STK32A: variants seen among roughly 807,000 people sequenced by gnomAD.
STK32A encodes the protein serine/threonine kinase 32A.
STK32A carries 41 observed loss-of-function variants against 53.2 expected under a neutral mutation model. The ratio of observed to expected loss-of-function variants is 0.77; its 90% CI spans 0.60 to 1.00. The LOEUF is 1.00. STK32A is among the 50% of genes least tolerant of loss of function. The pLI is 0.00. For synonymous variants in STK32A, 166 were observed against 162.8 expected, an observed-to-expected ratio of 1.02 and a Z score of -0.15; for missense variants, 458 against 485.8, an observed-to-expected ratio of 0.94 and a Z score of 0.54.
At chr5:147,375,025 A>T in intron 10 of STK32A, 65 bp from the exon 11 acceptor site, 1 of 1,455,492 alleles carries the variant, frequency 6.9e-7, no homozygotes, top group Non-Finnish European at 9.2e-7. Context: ...TTTCCGTATT[A>T]GGTCTGCTGT....
intron 4 of STK32A, among the ~76,000 whole-genome samples, chr5:147,313,704 GAT>G (rs945320263): frequency 6.6e-6 from 1 of 152,168 alleles, no homozygotes; most frequent in African/African-American, 2.4e-5. Flanking sequence ...CAATAATCAA[GAT>G]AGGGTGGTCC....
chr5:147,327,029 A>G (rs1157364919), intron 5 of STK32A, among the ~76,000 whole-genome samples: 1 of 152,144 alleles, frequency 6.6e-6, no homozygotes. Context: ...TCAAATAGAC[A>G]TTTTAATTCT....
intron 11 of STK32A, among the ~76,000 whole-genome samples, chr5:147,379,852 C>T (rs142975172): frequency 9.2e-5 from 14 of 152,230 alleles, no homozygotes; most frequent in East Asian, 1.9e-4. Flanking sequence ...AGATTTTAAG[C>T]GATCATTTCC....
intron 4 of STK32A, among the ~76,000 whole-genome samples, chr5:147,288,816 A>G (rs77820900): frequency 0.14 from 21,489 of 152,178 alleles, 2,048 homozygotes; most frequent in South Asian, 0.37. Flanking sequence ...GGGTGGGGAT[A>G]GAGATGCAAA....
chr5:147,241,507 A>AAAC (rs752550272), intron 2 of STK32A, among the ~76,000 whole-genome samples: 2 of 129,820 alleles, frequency 1.5e-5, no homozygotes, highest in East Asian at 2.6e-4. Context: ...AACAAACAAA[A>AAAC]AAACCCAAAA....
rs888859705 is a variant in STK32A at position 147,236,139 on chromosome 5, G to A, written c.-97+940G>A. 2.6e-5 allele frequency among the ~76,000 whole-genome samples: 4 copies of A among 152,034 alleles called. 1 individual carries two copies. The highest frequency in any genetic ancestry group is 2.6e-4 in the Admixed American group (4 of 15,268). On this transcript the variant is annotated intron_variant, in intron 1 of 12. Transcript: ENST00000397936. ...TAGAAGACCACACCTCTTTATCTAG[G>A]GAGGCTTGGTGGTTAGAGAAGCTTA...
chr5:147,286,269 T>G (rs537529572), intron 4 of STK32A, among the ~76,000 whole-genome samples: 1 of 149,470 alleles, frequency 6.7e-6, no homozygotes, highest in African/African-American at 2.5e-5. Context: ...TTTGGAGACT[T>G]AGGGGGAAGA....
intron 8 of STK32A, among the ~76,000 whole-genome samples, chr5:147,369,259 G>A (rs1156869133): frequency 6.6e-6 from 1 of 151,990 alleles, no homozygotes; most frequent in East Asian, 1.9e-4. Flanking sequence ...TCCCTTTCAA[G>A]GGCCACCTCC....
chr5:147,400,429 T>C, the STK32A span, among the ~76,000 whole-genome samples: 1 of 152,216 alleles, frequency 6.6e-6, no homozygotes, highest in Non-Finnish European at 1.5e-5. Context: ...ATTCGTACAC[T>C]CAGATGAAGG....
intron 2 of STK32A, among the ~76,000 whole-genome samples, chr5:147,245,045 C>A (rs1322121468): frequency 6.6e-6 from 1 of 152,136 alleles, no homozygotes; most frequent in African/African-American, 2.4e-5. Flanking sequence ...AACAGAACGG[C>A]AGATTTTATG....
At chr5:147,272,277 A>T (rs1755074014) in intron 2 of STK32A, among the ~76,000 whole-genome samples, 1 of 152,122 alleles carries the variant, frequency 6.6e-6, no homozygotes, top group African/African-American at 2.4e-5. Flanking sequence ...GGGTTTCACC[A>T]TGTTGGCCAG....
At chr5:147,278,227 A>G (rs1751861484) in intron 3 of STK32A, 48 bp downstream of exon 3, 5 of 1,444,196 alleles carry the variant, frequency 3.5e-6, no homozygotes, top group Non-Finnish European at 4.8e-6. Context: ...TATGTAGCCC[A>G]GGGAACAGAG....
At chr5:147,322,579 G>A (rs1458627595) in intron 4 of STK32A, among the ~76,000 whole-genome samples, 3 of 152,078 alleles carry the variant, frequency 2.0e-5, no homozygotes, top group African/African-American at 7.2e-5. Flanking sequence ...GTGCATCCCT[G>A]GGCACTGCTT....
intron 7 of STK32A, among the ~76,000 whole-genome samples, chr5:147,355,321 T>C (rs1756165047): frequency 1.3e-5 from 2 of 152,178 alleles, no homozygotes; most frequent in South Asian, 4.1e-4. Context: ...CCTCCATTAT[T>C]CCTTCTCTCT....
At position 147,373,970 on chromosome 5, in the gene STK32A, A is replaced by G. The variant is rs537588296; in HGVS notation, c.903+676A>G. On this transcript the variant is annotated intron_variant, in intron 10 of 12. Coordinates refer to ENST00000397936, the MANE Select transcript of STK32A (RefSeq NM_001112724.2). ...TTGTAGGTATATTGGGCAGAATAAG[A>G]GGCTTCTAAAGGGGCCTGTAGAACC... Among the ~76,000 whole-genome samples the G allele has an allele frequency of 5.3e-5, 8 of 152,208 alleles. No homozygotes were observed. The East Asian group carries it at 1.5e-3, about 29-fold the overall frequency.
chr5:147,349,680 T>C (rs1463631486), intron 6 of STK32A, among the ~76,000 whole-genome samples: 2 of 152,128 alleles, frequency 1.3e-5, no homozygotes, highest in Non-Finnish European at 2.9e-5. Context: ...GTCTACTCCT[T>C]CTTTTTTTAT....
chr5:147,325,016 A>G lies in STK32A; in HGVS notation c.434+945A>G, dbSNP rs572915047. On this transcript the variant is annotated intron_variant, in intron 5 of 12. Transcript: ENST00000397936. ...AAGAAACTGTCTCAAAGGTTTGCCA[A>G]GGACAAACAGCTAACAAATAGCGTA... Among the ~76,000 whole-genome samples the G allele has an allele frequency of 5.9e-5, 9 of 152,328 alleles. No homozygotes were observed. The East Asian group carries it at 1.7e-3, about 29-fold the overall frequency.
At chr5:147,265,215 A>C (rs999684632) in intron 2 of STK32A, among the ~76,000 whole-genome samples, 7 of 151,118 alleles carry the variant, frequency 4.6e-5, no homozygotes, top group African/African-American at 1.2e-4. Context: ...TAAATTTCCT[A>C]ATTTCAAATA....
At chr5:147,300,922 T>C (rs1753100293) in intron 4 of STK32A, among the ~76,000 whole-genome samples, 1 of 152,212 alleles carries the variant, frequency 6.6e-6, no homozygotes, top group South Asian at 2.1e-4. Flanking sequence ...ACACAACAAC[T>C]GAGTGACACT....
Sources: gnomAD v4.1 joint callset for allele counts (sites outside exome capture counted in the v4.1 genomes callset) on GRCh38, gnomAD v4.1.1 for gene constraint, MANE v1.5 for transcripts, NCBI Gene and HGNC (gene_info 2026-07-23, HGNC 2026-07-21) for gene names.